The following SLC2A13 variants were observed in gnomAD, a reference collection of about 807,000 sequenced individuals.
SLC2A13 encodes proton myo-inositol cotransporter.
A neutral mutation model predicts 64.4 loss-of-function variants in SLC2A13; 32 were observed. The observed-to-expected ratio is 0.50, with a 90% confidence interval of 0.37 to 0.67. The LOEUF is 0.67. SLC2A13 is among the 30% of genes least tolerant of loss of function. The pLI, the probability that SLC2A13 is intolerant of heterozygous loss-of-function variation, is 0.00. For synonymous variants in SLC2A13, 338 were observed against 327.1 expected, an observed-to-expected ratio of 1.03 and a Z score of -0.36; for missense variants, 743 against 829.2, an observed-to-expected ratio of 0.90 and a Z score of 1.28.
chr12:40,062,812 T>C (rs572484320), intron 1 of SLC2A13, among the ~76,000 whole-genome samples: 1 of 152,286 alleles, frequency 6.6e-6, no homozygotes, highest in East Asian at 1.9e-4. Context: ...AAAGTGTTCC[T>C]TTTGAAAGAC....
intron 4 of SLC2A13, among the ~76,000 whole-genome samples, chr12:39,901,268 G>A (rs1289015206): frequency 6.6e-6 from 1 of 152,120 alleles, no homozygotes; most frequent in African/African-American, 2.4e-5. Flanking sequence ...TACCATTCAG[G>A]ACATAGGCAT....
intron 3 of SLC2A13, among the ~76,000 whole-genome samples, chr12:39,990,940 GCT>G (rs1190318773): frequency 6.6e-6 from 1 of 151,894 alleles, no homozygotes; most frequent in Non-Finnish European, 1.5e-5. Flanking sequence ...CATCAACGGA[GCT>G]CTCTCTCTCC....
intron 1 of SLC2A13, among the ~76,000 whole-genome samples, chr12:40,064,574 A>G (rs912412168): frequency 6.6e-6 from 1 of 152,188 alleles, no homozygotes; most frequent in Non-Finnish European, 1.5e-5. Flanking sequence ...AGTGTCCCAC[A>G]GTGTTCTCCT....
At chr12:39,767,395 T>G (rs4268570) in intron 7 of SLC2A13, among the ~76,000 whole-genome samples, 147,512 of 151,696 alleles carry the variant, frequency 0.97, 71,722 homozygotes, top group East Asian at 1. Flanking sequence ...TCCAGGTTTT[T>G]TTGTTTCGTT....
At chr12:40,061,395 A>T (rs532631409) in intron 1 of SLC2A13, among the ~76,000 whole-genome samples, 4 of 152,174 alleles carry the variant, frequency 2.6e-5, no homozygotes, top group Non-Finnish European at 5.9e-5. Flanking sequence ...TCTAAACAAA[A>T]GAAAGTGAAG....
At chr12:39,895,177 G>C (rs1944709111) in intron 4 of SLC2A13, among the ~76,000 whole-genome samples, 1 of 152,104 alleles carries the variant, frequency 6.6e-6, no homozygotes, top group East Asian at 1.9e-4. Context: ...CCAGAACCCT[G>C]AGTAACAAGT....
intron 4 of SLC2A13, among the ~76,000 whole-genome samples, chr12:39,905,355 T>G (rs542690678): frequency 2.6e-5 from 4 of 152,128 alleles, no homozygotes; most frequent in Admixed American, 1.3e-4. Flanking sequence ...TCATCCAAGC[T>G]GCACAGTGCG....
intron 4 of SLC2A13, among the ~76,000 whole-genome samples, chr12:39,875,470 T>C (rs1345148032): frequency 6.6e-6 from 1 of 152,220 alleles, no homozygotes; most frequent in East Asian, 1.9e-4. Flanking sequence ...TGCACCTTAA[T>C]TTCCTTTTGC....
intron 7 of SLC2A13, among the ~76,000 whole-genome samples, chr12:39,807,983 A>G (rs1283819470): frequency 3.3e-5 from 5 of 152,170 alleles, no homozygotes; most frequent in African/African-American, 1.2e-4. Context: ...TCATCTATTC[A>G]TGTATAATAT....
At chr12:40,026,154 G>A (rs1316382734) in intron 3 of SLC2A13, among the ~76,000 whole-genome samples, 2 of 152,182 alleles carry the variant, frequency 1.3e-5, no homozygotes, top group Non-Finnish European at 1.5e-5. Flanking sequence ...AGAACGTTAA[G>A]ATTAGCTTTT....
chr12:39,904,320 G>A, intron 4 of SLC2A13, among the ~76,000 whole-genome samples: 1 of 152,108 alleles, frequency 6.6e-6, no homozygotes, highest in South Asian at 2.1e-4. Flanking sequence ...AAACCACATT[G>A]TAGTTTAGAC....
intron 4 of SLC2A13, among the ~76,000 whole-genome samples, chr12:39,904,455 C>T (rs1446547164): frequency 6.6e-6 from 1 of 152,088 alleles, no homozygotes; most frequent in East Asian, 1.9e-4. Context: ...GACAGTAGTC[C>T]CAGGCCTGCC....
intron 4 of SLC2A13, among the ~76,000 whole-genome samples, chr12:39,879,242 A>C (rs936060006): frequency 3.9e-5 from 6 of 152,246 alleles, no homozygotes; most frequent in Admixed American, 1.3e-4. Context: ...CTACTAGGGA[A>C]GTACCAAGGG....
intron 7 of SLC2A13, among the ~76,000 whole-genome samples, chr12:39,791,365 TCTG>T: frequency 1.6e-5 from 1 of 63,698 alleles, no homozygotes; most frequent in African/African-American, 6.1e-5. Flanking sequence ...TGTTGGAAGT[TCTG>T]GCCAGGGCAA....
At chr12:40,102,218 G>A (rs1939174891) in intron 1 of SLC2A13, among the ~76,000 whole-genome samples, 1 of 152,200 alleles carries the variant, frequency 6.6e-6, no homozygotes, top group Non-Finnish European at 1.5e-5. Context: ...CACCTCCAGG[G>A]TGGGATTTTT....
intron 4 of SLC2A13, among the ~76,000 whole-genome samples, chr12:39,932,111 T>C (rs1945834769): frequency 6.6e-6 from 1 of 152,210 alleles, no homozygotes; most frequent in African/African-American, 2.4e-5. Flanking sequence ...TCTTCCATGC[T>C]GCTTTCAGTT....
rs549471072 is a variant in SLC2A13, at chr12:39,772,653, G to C, written c.1446-7795C>G. ...AAAAGAAAGGCAGGCAGGTAGGCAG[G>C]CTCCTGTAAGGAGGAATACTTACAA... On this transcript the variant is annotated intron_variant, in intron 7 of 9. Transcript: ENST00000280871. 3.9e-5 allele frequency among the ~76,000 whole-genome samples: 6 copies of C among 152,274 alleles called. No individual in the cohort carries two copies. The South Asian group carries it at 1.2e-3, about 32-fold the overall frequency.
At chr12:40,040,401 G>T (rs1948065356) in intron 2 of SLC2A13, among the ~76,000 whole-genome samples, 1 of 152,056 alleles carries the variant, frequency 6.6e-6, no homozygotes, top group African/African-American at 2.4e-5. Context: ...TTACTTTTTG[G>T]GGTTGTTTTG....
intron 3 of SLC2A13, among the ~76,000 whole-genome samples, chr12:39,978,407 G>A (rs183824402): frequency 6.6e-6 from 1 of 152,322 alleles, no homozygotes; most frequent in East Asian, 1.9e-4. Flanking sequence ...TTACATCTGA[G>A]GTACCGAGTT....
Sources: allele counts gnomAD v4.1 joint callset (sites outside exome capture counted in the v4.1 genomes callset), GRCh38; gene constraint gnomAD v4.1.1; transcripts MANE v1.5; gene names NCBI Gene and HGNC (gene_info 2026-07-23, HGNC 2026-07-21).